The following SLC17A9 variants were observed in gnomAD, a reference collection of about 807,000 sequenced individuals.
The protein encoded by SLC17A9 is solute carrier family 17 member 9.
A neutral mutation model predicts 55.0 loss-of-function variants in SLC17A9; 49 were observed. The ratio of observed to expected loss-of-function variants is 0.89; its 90% confidence interval spans 0.71 to 1.13. SLC17A9 has a LOEUF of 1.13. SLC17A9 is among the 50% of genes most tolerant of loss of function. The pLI is 0.00. For synonymous variants in SLC17A9, 256 were observed against 247.4 expected, an observed-to-expected ratio of 1.03 and a Z score of -0.32; for missense variants, 526 against 569.3, an observed-to-expected ratio of 0.92 and a Z score of 0.77.
Position 62,967,898 on chromosome 20 carries a change from T to A in SLC17A9, c.*398T>A. ...CCGCAAGCCTCCTGCAGCGCCCGCC[T>A]GCCAATGTGAGGCTGGCACCAGGCT... On this transcript the variant is annotated 3_prime_UTR_variant, in exon 13 of 13. Coordinates refer to ENST00000370351, the MANE Select transcript of SLC17A9 (RefSeq NM_022082.4). The A allele has an allele frequency of 5.8e-6, 1 of 171,772 alleles. No homozygotes were observed. Among genetic ancestry groups the A allele is most frequent in the Non-Finnish European group, 1.2e-5 (1 of 80,244 alleles). The allele number at this position is 171,772 out of a possible 1,614,324, so 10.6% of individuals were successfully genotyped here. A position where few individuals can be genotyped will look rare whatever the true frequency, so the allele number is the denominator to read the frequency against.
In SLC17A9 at chr20:62,967,814, T is replaced by C. The variant is rs1345088056; in HGVS notation, c.*314T>C. On this transcript the variant is annotated 3_prime_UTR_variant, in exon 13 of 13. Coordinates refer to ENST00000370351, the MANE Select transcript of SLC17A9 (RefSeq NM_022082.4). ...GTTATTGTTAGTAGGCGCAGCCTCA[T>C]TCCCACCACGATCTGTTCCGCGTGG... The C allele has an allele frequency of 3.8e-6, 1 of 263,798 alleles. No individual in the cohort carries two copies. Among genetic ancestry groups the C allele is most frequent in the Non-Finnish European group, 7.3e-6 (1 of 137,770 alleles). 16.3% of individuals were successfully genotyped at this position (263,798 alleles called of 1,614,324 possible). A position where few individuals can be genotyped will look rare whatever the true frequency, so the allele number is the denominator to read the frequency against.
Position 62,965,059 on chromosome 20 carries a change from C to A in SLC17A9, c.911-73C>A. On this transcript the variant is annotated intron_variant, in intron 8 of 12. Transcript: ENST00000370351. ...CCCCTGCTGCCCCTCTGCAGCCATT[C>A]GGGATGGGACCCCCTCTGGGGTGTC... The A allele has an allele frequency of 1.9e-6, 3 of 1,576,718 alleles. No individual in the cohort carries two copies. The South Asian group carries it at 3.3e-5, about 17-fold the overall frequency.
rs112019862 is a variant in SLC17A9, at chr20:62,957,641, G to T, written c.397+61G>T. ...GGCACCAGGTGGGGAGACAAGGGGGGTGTGCACGGATGTGTGTGCAGGTGC... is the reference window on the plus strand; with the variant it reads ...GGCACCAGGTGGGGAGACAAGGGGGTTGTGCACGGATGTGTGTGCAGGTGC... On this transcript the variant is annotated intron_variant, in intron 3 of 12. Coordinates refer to ENST00000370351, the MANE Select transcript of SLC17A9 (RefSeq NM_022082.4). 1.5e-3 allele frequency: 2,106 copies of T among 1,420,942 alleles called. 22 individuals carry two copies. The African/African-American group carries it at 0.025, about 17-fold the overall frequency. 88.0% of individuals were successfully genotyped at this position (1,420,942 alleles called of 1,614,324 possible).
intron 3 of SLC17A9, among the ~76,000 whole-genome samples, chr20:62,960,044 T>G (rs965469370): frequency 2.0e-5 from 3 of 152,228 alleles, no homozygotes; most frequent in Non-Finnish European, 4.4e-5. Context: ...TGTGCACGCA[T>G]GCGGCAGGTG....
chr20:62,960,104 G>A (rs987981180), intron 3 of SLC17A9, among the ~76,000 whole-genome samples: 1 of 152,264 alleles, frequency 6.6e-6, no homozygotes, highest in Non-Finnish European at 1.5e-5. Flanking sequence ...ATCTGCATCA[G>A]TGTGAGCACA....
At position 62,967,622 on chromosome 20, in the gene SLC17A9, T is replaced by G; in HGVS notation, c.*122T>G. On this transcript the variant is annotated 3_prime_UTR_variant, in exon 13 of 13. Coordinates refer to ENST00000370351, the MANE Select transcript of SLC17A9 (RefSeq NM_022082.4). ...ACGAGCAGAGAGGAACACAAACCAC[T>G]GTGGAGCCTGAAGCTCCTTAAGAAG... The G allele has an allele frequency of 1.3e-6, 1 of 782,734 alleles. No individual in the cohort carries two copies. The highest frequency in any genetic ancestry group is 2.0e-5 in the South Asian group (1 of 49,396). The allele number at this position is 782,734 out of a possible 1,614,324, so 48.5% of individuals were successfully genotyped here. A position where few individuals can be genotyped will look rare whatever the true frequency, so the allele number is the denominator to read the frequency against.
At position 62,962,698 on chromosome 20, in the gene SLC17A9, G is replaced by A. The variant is rs139172277; in HGVS notation, c.572G>A (p.Gly191Asp). 6.2e-7 allele frequency: 1 copy of A among 1,614,094 alleles called. No homozygotes were observed. Among genetic ancestry groups the A allele is most frequent in the East Asian group, 2.2e-5 (1 of 44,880 alleles). ...YGWQSIFYFS[G>D]GLTLLWVWYV... The stretch of plus-strand genomic sequence containing the variant: ...TGGCAGAGCATCTTCTATTTCTCCG[G>A]CGGCCTCACCTTGCTTTGGGTGTGG... Residue 191 changes from glycine (G) to aspartate (D), a missense_variant, in exon 5 of 13, where the codon GGC becomes GAC. Gly to Asp is a moderately conservative substitution (Grantham distance 94, BLOSUM62 -1). Coordinates refer to ENST00000370351, the MANE Select transcript of SLC17A9 (RefSeq NM_022082.4). This position sits in a 1 kb window ranked among gnomAD's most constrained non-coding sequence, Gnocchi z 5.5.
chr20:62,957,989 T>C (rs1193606692), intron 3 of SLC17A9, among the ~76,000 whole-genome samples: 5 of 152,122 alleles, frequency 3.3e-5, no homozygotes, highest in Non-Finnish European at 5.9e-5. Context: ...CTTGTGCGTG[T>C]GCGTACGTAT....
chr20:62,957,575 TC>T lies in SLC17A9; in HGVS notation c.394del (p.Gln132LysfsTer8). 2 of 1,556,710 alleles carry T rather than the reference TC, an allele frequency of 1.3e-6. No individual in the cohort carries two copies. The highest frequency in any genetic ancestry group is 4.7e-5 in the East Asian group (2 of 42,704). On this transcript the variant is annotated frameshift_variant, in exon 3 of 13. Coordinates refer to ENST00000370351, the MANE Select transcript of SLC17A9 (RefSeq NM_022082.4). LOFTEE classifies it high-confidence loss of function. ...MTFSRILMGL[L>X]QGVYFPALTS... ...TTCTCACGCATCCTCATGGGCTTGC[TC>T]CAAGGTAAGGGGAGCTCAGGCGGCT...
chr20:62,954,133 C>G (rs550230549), intron 1 of SLC17A9, among the ~76,000 whole-genome samples: 1 of 118,054 alleles, frequency 8.5e-6, no homozygotes, highest in Non-Finnish European at 1.8e-5. Flanking sequence ...CTTGCCGCAG[C>G]CTTCACTACG....
rs376553027 is a variant in SLC17A9 at position 62,967,341 on chromosome 20, C to T, written c.1152C>T (p.Val384=). Residue 384 remains valine (V), a synonymous_variant, in exon 13 of 13, where the codon GTC becomes GTT. Coordinates refer to ENST00000370351, the MANE Select transcript of SLC17A9 (RefSeq NM_022082.4). ...GCCTGGCCCTCTCTTGGGCAGGTGT[C>T]GTGGGTGTGTGTCTAGGCGGCTACT... is the stretch of plus-strand genomic sequence containing the variant. ...VANTAGALAG[V]VGVCLGGYLM... is the part of the protein sequence containing the mutation. 6.2e-6 allele frequency: 10 copies of T among 1,613,866 alleles called. No homozygotes were observed. The highest frequency in any genetic ancestry group is 1.7e-5 in the Admixed American group (1 of 59,990).
Position 62,967,707 on chromosome 20 carries a change from C to T in SLC17A9, c.*207C>T, listed in dbSNP as rs1303998785. 4 of 547,566 alleles carry T rather than the reference C, an allele frequency of 7.3e-6. No individual in the cohort carries two copies. Among genetic ancestry groups the T allele is most frequent in the Non-Finnish European group, 1.3e-5 (4 of 317,100 alleles). 33.9% of individuals were successfully genotyped at this position (547,566 alleles called of 1,614,324 possible). A position where few individuals can be genotyped will look rare whatever the true frequency, so the allele number is the denominator to read the frequency against. ...CTGGGTCCAGACCAGGCTCGCTGCT[C>T]TCTGGGCCTCAGTTTCCCCACCTGC... On this transcript the variant is annotated 3_prime_UTR_variant, in exon 13 of 13. Transcript: ENST00000370351.
At chr20:62,963,196 C>T in intron 5 of SLC17A9, 77 bp from the exon 6 acceptor site, 1 of 1,493,804 alleles carries the variant, frequency 6.7e-7, no homozygotes, top group Non-Finnish European at 9.1e-7. Context: ...GGAACCACCC[C>T]CAAATCCCCA....
chr20:62,956,762 C>G lies in SLC17A9; in HGVS notation c.60-3C>G. 6.2e-7 allele frequency: 1 copy of G among 1,610,370 alleles called. No homozygotes were observed. The highest frequency in any genetic ancestry group is 8.5e-7 in the Non-Finnish European group (1 of 1,179,318). On this transcript the variant is annotated splice_region_variant and splice_polypyrimidine_tract_variant and intron_variant, in intron 1 of 12. Coordinates refer to ENST00000370351, the MANE Select transcript of SLC17A9 (RefSeq NM_022082.4). ...CAGGGCCTGACCATCTCCTGTCCCA[C>G]AGGCCCGAGTGCCAGGCATGGACGG... is the stretch of plus-strand genomic sequence containing the variant.
intron 1 of SLC17A9, among the ~76,000 whole-genome samples, chr20:62,955,186 C>T (rs532668860): frequency 2.5e-4 from 38 of 150,762 alleles, no homozygotes; most frequent in African/African-American, 6.8e-4. Context: ...CTCACTCTGT[C>T]GCCCAGGCTG....
chr20:62,965,568 G>A (rs761339081), intron 9 of SLC17A9, 42 bp from the exon 10 acceptor site: 1 of 1,575,488 alleles, frequency 6.3e-7, no homozygotes, highest in South Asian at 1.1e-5. Context: ...CCTGCTGCAG[G>A]CGGGCTGGGT....
chr20:62,957,090 CAG>C (rs1429512111), intron 2 of SLC17A9, 128 bp downstream of exon 2: 1 of 1,342,848 alleles, frequency 7.4e-7, no homozygotes, highest in East Asian at 2.4e-5. Context: ...TTGGTGGACA[CAG>C]AGGATGCGAC....
Position 62,956,961 on chromosome 20 carries a change from C to G in SLC17A9, c.256C>G (p.Arg86Gly), listed in dbSNP as rs748547693. The part of the protein sequence containing the change: ...TQVVGGHLGD[R>G]IGGEKVILLS... ...GGTTGTGGGCGGCCACCTCGGGGAT[C>G]GGTAACTGCCCATCTTCCCCATCTC... Residue 86 changes from arginine (R) to glycine (G), a missense_variant and splice_region_variant, in exon 2 of 13, where the codon CGG becomes GGG. Arg to Gly is a moderately radical substitution (Grantham distance 125). Coordinates refer to ENST00000370351, the MANE Select transcript of SLC17A9 (RefSeq NM_022082.4). 1 of 1,613,278 alleles carries G rather than the reference C, an allele frequency of 6.2e-7. No homozygotes were observed. Among genetic ancestry groups the G allele is most frequent in the Non-Finnish European group, 8.5e-7 (1 of 1,179,976 alleles).
chr20:62,962,477 G>A lies in SLC17A9; in HGVS notation c.498-147G>A, dbSNP rs2065596856. 2.0e-6 allele frequency: 2 copies of A among 1,019,578 alleles called. No individual in the cohort carries two copies. The highest frequency in any genetic ancestry group is 2.8e-6 in the Non-Finnish European group (2 of 720,988). 63.2% of individuals were successfully genotyped at this position (1,019,578 alleles called of 1,614,324 possible). ...GTCCTTAACAAAACAGGCCAGGACGGTGGCTTCTGAGCTGCTCCTCTGGAG... is the reference window on the plus strand; with the variant it reads ...GTCCTTAACAAAACAGGCCAGGACGATGGCTTCTGAGCTGCTCCTCTGGAG... On this transcript the variant is annotated intron_variant, in intron 4 of 12. Coordinates refer to ENST00000370351, the MANE Select transcript of SLC17A9 (RefSeq NM_022082.4). The surrounding 1 kb of genome is among the most constrained non-coding windows in gnomAD (Gnocchi z 5.5).
Sources: allele counts gnomAD v4.1 joint callset (sites outside exome capture counted in the v4.1 genomes callset), GRCh38; gene constraint gnomAD v4.1.1; non-coding constraint Gnocchi (gnomAD v3.1); transcripts MANE v1.5; gene names NCBI Gene and HGNC (gene_info 2026-07-23, HGNC 2026-07-21).